Variants in SMC5 observed in about 807,000 individuals in gnomAD.
The protein encoded by SMC5 is structural maintenance of chromosomes 5, also known as structural maintenance of chromosomes protein 5.
A neutral mutation model predicts 148.3 loss-of-function variants in SMC5; 88 were observed. The ratio of observed to expected loss-of-function variants is 0.59; its 90% CI spans 0.50 to 0.71. The LOEUF (loss-of-function observed/expected upper bound fraction) is 0.71, where lower values mean the gene tolerates loss of function less well. Among genes scored for constraint, SMC5 ranks in the 30% least tolerant of loss-of-function variants. The probability of loss-of-function intolerance (pLI) is 0.00; values close to 1 mark genes in which losing one functional copy is unlikely to be tolerated. For missense variants in SMC5, 1,142 were observed against 1,298.9 expected (o/e 0.88, Z 1.86); for synonymous variants, 421 against 432.8 (o/e 0.97, Z 0.34).
rs900766763 is a variant in SMC5, at chr9:70,338,523, GA to G, written c.2398-5611del. ...GAATTTTGCACTCGTTTAACTGCCA[GA>G]AAAAAAAAATTGTGCTGATTTTTAT... On this transcript the variant is annotated intron_variant, in intron 17 of 24. Coordinates refer to ENST00000361138, the MANE Select transcript of SMC5 (RefSeq NM_015110.4). Among the ~76,000 whole-genome samples, 138 of 149,430 alleles carry G rather than the reference GA, an allele frequency of 9.2e-4. 1 individual carries two copies. The highest frequency in any genetic ancestry group is 1.8e-3 in the African/African-American group (72 of 40,822).
chr9:70,272,698 C>T (rs1190537793), intron 3 of SMC5, among the ~76,000 whole-genome samples: 1 of 152,132 alleles, frequency 6.6e-6, no homozygotes, highest in Non-Finnish European at 1.5e-5. Flanking sequence ...ACCAATGAAG[C>T]AGGGATAGAT....
chr9:70,314,147 T>C (rs770499280), intron 11 of SMC5, among the ~76,000 whole-genome samples: 60 of 152,196 alleles, frequency 3.9e-4, no homozygotes, highest in Non-Finnish European at 8.4e-4. Context: ...CCTCTCAGTT[T>C]ACAGTCATTC....
intron 17 of SMC5, among the ~76,000 whole-genome samples, chr9:70,340,815 G>A (rs72716531): frequency 0.035 from 5,374 of 151,982 alleles, 133 homozygotes; most frequent in Non-Finnish European, 0.051. Flanking sequence ...GTTTAATGTC[G>A]AGGTATTTCT....
At position 70,264,387 on chromosome 9, in the gene SMC5, T is replaced by C. The variant is rs1488452114; in HGVS notation, c.269T>C (p.Val90Ala). 3.1e-6 allele frequency: 5 copies of C among 1,614,106 alleles called. No individual in the cohort carries two copies. Among genetic ancestry groups the C allele is most frequent in the Non-Finnish European group, 4.2e-6 (5 of 1,179,972 alleles). ...AATGGAACAGGGAAGTCGAGCATTGTGTGTGCCATTTGCCTTGGTTTAGCT... is the reference window on the plus strand; with the variant it reads ...AATGGAACAGGGAAGTCGAGCATTGCGTGTGCCATTTGCCTTGGTTTAGCT... ...GANGTGKSSI[V>A]CAICLGLAGK... The change falls in exon 2 of 25, where the codon GTG (valine) becomes GCG (alanine). Residue 90 changes from valine (V) to alanine (A), a missense_variant. Around this residue, in one of 5 missense-constraint regions of SMC5, gnomAD observed 297 missense variants for 302.6 expected, o/e 0.98. Coordinates refer to ENST00000361138, the MANE Select transcript of SMC5 (RefSeq NM_015110.4).
At position 70,314,792 on chromosome 9, in the gene SMC5, T is replaced by A; in HGVS notation, c.1629T>A (p.Ser543Arg). The change falls in exon 12 of 25, where the codon AGT (serine) becomes AGA (arginine). Residue 543 changes from serine (S) to arginine (R), a missense_variant. Ser to Arg is a moderately radical substitution (Grantham distance 110). Around this residue, in one of 5 missense-constraint regions of SMC5, gnomAD observed 743 missense variants for 835.7 expected, o/e 0.89. Transcript: ENST00000361138. ...TAAATGCTGTTATTGCTCCCAAGAG[T>A]TCATATGCAGACAAAGCACCTTCAA... The part of the protein sequence containing the change: ...LRVNAVIAPK[S>R]SYADKAPSRS... 6.3e-7 allele frequency: 1 copy of A among 1,576,130 alleles called. No individual in the cohort carries two copies.
At chr9:70,282,982 A>G (rs1332040663) in intron 7 of SMC5, among the ~76,000 whole-genome samples, 1 of 152,214 alleles carries the variant, frequency 6.6e-6, no homozygotes, top group Non-Finnish European at 1.5e-5. Context: ...CTGTATTTTA[A>G]AAGTATAACT....
intron 17 of SMC5, among the ~76,000 whole-genome samples, chr9:70,343,148 T>TC (rs1219513666): frequency 3.4e-5 from 3 of 87,044 alleles, no homozygotes; most frequent in Non-Finnish European, 4.9e-5. Context: ...TTTCAGTCTC[T>TC]TTTTTTTTTT....
intron 17 of SMC5, among the ~76,000 whole-genome samples, chr9:70,334,586 C>T (rs184307395): frequency 6.6e-6 from 1 of 152,140 alleles, no homozygotes; most frequent in Non-Finnish European, 1.5e-5. Context: ...TCCCTGTGAG[C>T]TAAGAATAGT....
chr9:70,310,535 C>G (rs2035629301), intron 11 of SMC5, among the ~76,000 whole-genome samples: 1 of 152,140 alleles, frequency 6.6e-6, no homozygotes. Flanking sequence ...GTAGATTTAG[C>G]ATAATTCTAA....
intron 7 of SMC5, 60 bp from the exon 8 acceptor site, chr9:70,286,140 A>G (rs938334057): frequency 6.9e-6 from 7 of 1,020,636 alleles, no homozygotes; most frequent in Non-Finnish European, 1.1e-5. Flanking sequence ...AGGGCCATAT[A>G]ATTTGCTTGC....
At chr9:70,279,817 CA>C (rs561567100) in intron 5 of SMC5, among the ~76,000 whole-genome samples, 2,963 of 56,662 alleles carry the variant, frequency 0.052, 35 homozygotes, top group South Asian at 0.13. Context: ...AACTCCGTTT[CA>C]AAAAAAAAAA....
At chr9:70,343,837 GTAAA>G (rs1002398391) in intron 17 of SMC5, among the ~76,000 whole-genome samples, 16 of 151,648 alleles carry the variant, frequency 1.1e-4, no homozygotes, top group African/African-American at 3.1e-4. Context: ...AAATAAATAA[GTAAA>G]TAAATAAATA....
intron 11 of SMC5, among the ~76,000 whole-genome samples, chr9:70,306,941 A>T (rs993960117): frequency 1.3e-5 from 2 of 152,170 alleles, no homozygotes; most frequent in Non-Finnish European, 2.9e-5. Context: ...AAATCTTCAC[A>T]ATTTTTGCCA....
At chr9:70,276,636 T>G (rs1411168656) in intron 3 of SMC5, among the ~76,000 whole-genome samples, 1 of 152,212 alleles carries the variant, frequency 6.6e-6, no homozygotes, top group Non-Finnish European at 1.5e-5. Flanking sequence ...ATACCAATAA[T>G]TTATCTTTCT....
intron 13 of SMC5, among the ~76,000 whole-genome samples, chr9:70,316,534 C>T (rs1000830234): frequency 3.3e-5 from 5 of 151,966 alleles, no homozygotes; most frequent in African/African-American, 9.7e-5. Flanking sequence ...TGTGGGTATA[C>T]TACTCTTTTT....
At chr9:70,330,264 T>G (rs2036185382) in intron 17 of SMC5, among the ~76,000 whole-genome samples, 1 of 152,204 alleles carries the variant, frequency 6.6e-6, no homozygotes, top group South Asian at 2.1e-4. Flanking sequence ...ATTCCTAGCC[T>G]CTGCCTGTTA....
Position 70,352,422 on chromosome 9 carries a change from GA to G in SMC5, c.*95del, listed in dbSNP as rs2036827058. 10 of 1,322,608 alleles carry G rather than the reference GA, an allele frequency of 7.6e-6. No homozygotes were observed. The highest frequency in any genetic ancestry group is 1.0e-5 in the Non-Finnish European group (10 of 976,582). The allele number at this position is 1,322,608 out of a possible 1,614,324, so 81.9% of individuals were successfully genotyped here. A position where few individuals can be genotyped will look rare whatever the true frequency, so the allele number is the denominator to read the frequency against. ...TGAATAAAAGGAGATTCACTAAAAC[GA>G]AAAGCAGTTATTTTTGGAAACCTGC... is the stretch of plus-strand genomic sequence containing the variant. On this transcript the variant is annotated 3_prime_UTR_variant, in exon 25 of 25. Transcript: ENST00000361138.
chr9:70,339,932 A>G (rs531604373), intron 17 of SMC5, among the ~76,000 whole-genome samples: 23 of 152,182 alleles, frequency 1.5e-4, no homozygotes, highest in Non-Finnish European at 3.1e-4. Flanking sequence ...CCAAATACAG[A>G]GGTCGATAAA....
intron 5 of SMC5, among the ~76,000 whole-genome samples, chr9:70,280,220 A>G (rs1412528817): frequency 6.6e-6 from 1 of 152,220 alleles, no homozygotes; most frequent in African/African-American, 2.4e-5. Flanking sequence ...CTGAAAGAAA[A>G]CAAGCATACA....
Sources: allele counts gnomAD v4.1 joint callset (sites outside exome capture counted in the v4.1 genomes callset), GRCh38; gene constraint gnomAD v4.1.1; regional missense constraint gnomAD v4.1.1; transcripts MANE v1.5; gene names NCBI Gene and HGNC (gene_info 2026-07-23, HGNC 2026-07-21).